Variants in RFX3 observed in about 807,000 individuals in gnomAD.
The protein encoded by RFX3 is transcription factor RFX3.
Under a neutral mutation model 98.6 loss-of-function variants are expected in RFX3, and 14 were observed. The observed-to-expected ratio is 0.14, with a 90% CI of 0.09 to 0.22. The LOEUF (loss-of-function observed/expected upper bound fraction) is 0.22. Ranked by LOEUF, RFX3 falls within the 10% of genes least tolerant of loss-of-function variation. The pLI is 1.00. For synonymous variants in RFX3, 383 were observed against 328.4 expected, an observed-to-expected ratio of 1.17 and a Z score of -1.80; for missense variants, 639 against 926.9, an observed-to-expected ratio of 0.69 and a Z score of 4.03.
chr9:3,442,601 C>T (rs1845699535), intron 1 of RFX3, among the ~76,000 whole-genome samples: 1 of 152,032 alleles, frequency 6.6e-6, no homozygotes, highest in Non-Finnish European at 1.5e-5. Context: ...GTAATATACC[C>T]CCTGGTTGCC....
chr9:3,420,976 T>C (rs1843390630), intron 1 of RFX3: 5 of 914,446 alleles, frequency 5.5e-6, no homozygotes, highest in Non-Finnish European at 5.2e-6. Context: ...TAAGGAGTAA[T>C]GAAATCTGTG....
intron 3 of RFX3, among the ~76,000 whole-genome samples, chr9:3,338,152 C>T (rs912019643): frequency 6.6e-6 from 1 of 152,130 alleles, no homozygotes; most frequent in Non-Finnish European, 1.5e-5. Context: ...TAAACCTCCC[C>T]TTACTACATA....
At chr9:3,474,996 G>A (rs932880553) in intron 1 of RFX3, among the ~76,000 whole-genome samples, 6 of 151,932 alleles carry the variant, frequency 3.9e-5, no homozygotes, top group Admixed American at 2.6e-4. Context: ...CTACTCGGGA[G>A]GCTGAGGCAG....
chr9:3,287,010 T>G (rs1586886345), intron 7 of RFX3, among the ~76,000 whole-genome samples: 2 of 151,976 alleles, frequency 1.3e-5, no homozygotes, highest in South Asian at 2.1e-4. Context: ...GATCAAAGTT[T>G]TATTTTAGCA....
intron 1 of RFX3, among the ~76,000 whole-genome samples, chr9:3,442,659 GA>G (rs1845705797): frequency 6.6e-6 from 1 of 152,130 alleles, no homozygotes; most frequent in African/African-American, 2.4e-5. Flanking sequence ...CACAAAAGGA[GA>G]AAAGGAATGG....
chr9:3,484,763 C>A (rs998324736), intron 1 of RFX3, among the ~76,000 whole-genome samples: 2 of 152,102 alleles, frequency 1.3e-5, no homozygotes, highest in African/African-American at 4.8e-5. Context: ...TTGCCTACCA[C>A]AGAATATAGT....
At chr9:3,512,917 C>G (rs1487570113) in intron 1 of RFX3, among the ~76,000 whole-genome samples, 1 of 151,962 alleles carries the variant, frequency 6.6e-6, no homozygotes, top group East Asian at 1.9e-4. Context: ...TTTTATCCTT[C>G]TTGATTCCCA....
In RFX3 at chr9:3,516,771, C is replaced by T. The variant is rs552398773; in HGVS notation, c.-9+8976G>A. Among the ~76,000 whole-genome samples the T allele has an allele frequency of 1.9e-4, 29 of 152,264 alleles. 1 individual carries two copies. The highest frequency in any genetic ancestry group is 6.7e-4 in the African/African-American group (28 of 41,558). On this transcript the variant is annotated intron_variant, in intron 1 of 16. Transcript: ENST00000617270. ...CTGTTAAATTGCCTATCCACATACTCGGGAAATTATGTCCTGTTTTAAATA... is the reference window on the plus strand; with the variant it reads ...CTGTTAAATTGCCTATCCACATACTTGGGAAATTATGTCCTGTTTTAAATA...
intron 1 of RFX3, among the ~76,000 whole-genome samples, chr9:3,505,120 T>G (rs1168779045): frequency 2.5e-4 from 25 of 98,554 alleles, no homozygotes; most frequent in Non-Finnish European, 3.2e-4. Flanking sequence ...ATATTTTATT[T>G]TTATATATTT....
intron 1 of RFX3, among the ~76,000 whole-genome samples, chr9:3,507,449 G>C (rs978725625): frequency 6.6e-6 from 1 of 151,884 alleles, no homozygotes; most frequent in African/African-American, 2.4e-5. Context: ...AATCTTTTCA[G>C]GTTGATTTTA....
At chr9:3,485,983 G>A (rs759113085) in intron 1 of RFX3, among the ~76,000 whole-genome samples, 1 of 151,830 alleles carries the variant, frequency 6.6e-6, no homozygotes, top group Non-Finnish European at 1.5e-5. Flanking sequence ...AATTAGCCAG[G>A]CATGGTGGCG....
At chr9:3,307,616 AT>A (rs1164619449) in intron 4 of RFX3, among the ~76,000 whole-genome samples, 2 of 152,184 alleles carry the variant, frequency 1.3e-5, no homozygotes, top group Non-Finnish European at 2.9e-5. Flanking sequence ...AATGAACACA[AT>A]GGCCTTTATT....
intron 8 of RFX3, 26 bp from the exon 9 acceptor site, chr9:3,275,638 A>G (rs774098337): frequency 1.4e-6 from 2 of 1,432,066 alleles, no homozygotes; most frequent in South Asian, 2.3e-5. Flanking sequence ...CAGAACAGAA[A>G]AAAGCTATTG....
At chr9:3,331,873 A>C (rs1832642752) in intron 3 of RFX3, among the ~76,000 whole-genome samples, 2 of 152,150 alleles carry the variant, frequency 1.3e-5, no homozygotes, top group African/African-American at 4.8e-5. Context: ...AGAATATTAA[A>C]TCTGGGTTTC....
chr9:3,270,239 G>A, intron 11 of RFX3, 132 bp downstream of exon 11: 2 of 873,868 alleles, frequency 2.3e-6, no homozygotes, highest in Non-Finnish European at 3.5e-6. Flanking sequence ...GCAATATTCT[G>A]TGTTGCATGT....
chr9:3,429,099 T>C (rs1015940256), intron 1 of RFX3, among the ~76,000 whole-genome samples: 7 of 150,514 alleles, frequency 4.7e-5, no homozygotes, highest in Non-Finnish European at 7.4e-5. Flanking sequence ...CTCGGCTCAC[T>C]GCAAGCTCCG....
At chr9:3,315,740 T>G (rs1264411395) in intron 4 of RFX3, among the ~76,000 whole-genome samples, 1 of 152,132 alleles carries the variant, frequency 6.6e-6, no homozygotes, top group Non-Finnish European at 1.5e-5. Context: ...GAAAATACTA[T>G]AAACACCACT....
rs1448052730 is a variant in RFX3, at chr9:3,524,071, T to A, written c.-9+1676A>T. 2.8e-4 allele frequency among the ~76,000 whole-genome samples: 43 copies of A among 152,122 alleles called. 1 individual carries two copies. The highest frequency in any genetic ancestry group is 5.9e-5 in the Non-Finnish European group (4 of 67,888). On this transcript the variant is annotated intron_variant, in intron 1 of 16. Coordinates refer to ENST00000617270, the MANE Select transcript of RFX3 (RefSeq NM_001282116.2). Reference sequence around the variant, plus strand: ...CTGCTGTGTCAGTTAAATCAATATATGTTTGCTGTTAGAAAGAAGACTATT... The same window carrying A: ...CTGCTGTGTCAGTTAAATCAATATAAGTTTGCTGTTAGAAAGAAGACTATT...
At chr9:3,325,382 T>C (rs1425237375) in intron 4 of RFX3, among the ~76,000 whole-genome samples, 1 of 151,976 alleles carries the variant, frequency 6.6e-6, no homozygotes, top group African/African-American at 2.4e-5. Context: ...TTTCAAATTT[T>C]CCTCCAAATA....
Sources: allele counts gnomAD v4.1 joint callset (sites outside exome capture counted in the v4.1 genomes callset), GRCh38; gene constraint gnomAD v4.1.1; transcripts MANE v1.5; gene names NCBI Gene and HGNC (gene_info 2026-07-23, HGNC 2026-07-21).